Variants in GSE1 observed in about 807,000 individuals in gnomAD.
The protein encoded by GSE1 is genetic suppressor element 1.
GSE1 carries 32 observed loss-of-function variants against 112.6 expected under a neutral mutation model. That is an observed-to-expected ratio of 0.28 (90% confidence interval 0.21 to 0.38). The LOEUF is 0.38. Among genes scored for constraint, GSE1 ranks in the 10% least tolerant of loss-of-function variants. The pLI is 1.00. For synonymous variants in GSE1, 1,115 were observed against 735.6 expected, an observed-to-expected ratio of 1.52 and a Z score of -8.35; for missense variants, 2,348 against 1,699.2, an observed-to-expected ratio of 1.38 and a Z score of -6.71.
rs2051776196 is a variant in GSE1, at chr16:85,654,852, A to C, written c.658A>C (p.Arg220=). 1.2e-6 allele frequency: 2 copies of C among 1,611,540 alleles called. No homozygotes were observed. Among genetic ancestry groups the C allele is most frequent in the African/African-American group, 1.3e-5 (1 of 74,694 alleles). ...PPSTVTEDYL[R]SFRPYHTTDD... The stretch of plus-strand genomic sequence containing the variant: ...CAGTACCGTGACCGAGGACTACCTG[A>C]GAAGCTTCCGGCCCTACCACACCAC... Residue 220 remains arginine, a synonymous_variant, in exon 5 of 16, where the codon AGA becomes CGA. Coordinates refer to ENST00000253458, the MANE Select transcript of GSE1 (RefSeq NM_014615.5).
chr16:85,551,595 C>G (rs936695675), upstream of GSE1, among the ~76,000 whole-genome samples: 5 of 152,214 alleles, frequency 3.3e-5, no homozygotes, highest in African/African-American at 1.2e-4. Context: ...CTTTCTGTTT[C>G]TCAGCTGTTT....
chr16:85,294,217 T>C (rs941708695), intron 1 of GSE1, among the ~76,000 whole-genome samples: 9 of 152,138 alleles, frequency 5.9e-5, no homozygotes, highest in African/African-American at 2.2e-4. Flanking sequence ...AGCCCACTCT[T>C]GAAAACCTGA....
At chr16:85,286,141 T>C (rs569987267) in intron 1 of GSE1, among the ~76,000 whole-genome samples, 3 of 152,108 alleles carry the variant, frequency 2.0e-5, no homozygotes, top group Non-Finnish European at 4.4e-5. Flanking sequence ...AGCCAGGAGG[T>C]CAGCAGACTG....
At position 85,224,086 on chromosome 16, in the gene GSE1, A is replaced by C. The variant is rs985686352; in HGVS notation, c.2283+52279A>C. On this transcript the variant is annotated intron_variant, in intron 1 of 2. Coordinates refer to the GSE1 transcript ENST00000637419. ...GGCAGAGACACTTCCTCCCTTGGCG[A>C]TTCTGGGGGCACGTGGCGCATCTCA... is the stretch of plus-strand genomic sequence containing the variant. 2.0e-5 allele frequency among the ~76,000 whole-genome samples: 3 copies of C among 151,828 alleles called. No individual in the cohort carries two copies. In the East Asian group the frequency reaches 5.8e-4, roughly 29 times the overall value.
chr16:85,457,572 G>A (rs1007309506), intron 2 of GSE1, among the ~76,000 whole-genome samples: 1 of 152,240 alleles, frequency 6.6e-6, no homozygotes, highest in East Asian at 1.9e-4. Flanking sequence ...CAGAGAGCAG[G>A]GCAAGGGCTG....
intron 1 of GSE1, among the ~76,000 whole-genome samples, chr16:85,331,581 G>GTGTATATATGTGTACATGTGTATATA: frequency 8.8e-6 from 1 of 114,048 alleles, no homozygotes; most frequent in Admixed American, 8.6e-5. Flanking sequence ...ATGTGTACAT[G>GTGTATATATGTGTACATGTGTATATA]TGTATATATG....
At chr16:85,459,685 T>G (rs190129452) in intron 2 of GSE1, among the ~76,000 whole-genome samples, 3 of 152,354 alleles carry the variant, frequency 2.0e-5, no homozygotes, top group Admixed American at 2.0e-4. Flanking sequence ...ACGGAGTCAC[T>G]GAACCCAGTC....
chr16:85,556,761 C>G (rs1354101488), intron 1 of GSE1, among the ~76,000 whole-genome samples: 7 of 145,780 alleles, frequency 4.8e-5, no homozygotes, highest in Non-Finnish European at 9.3e-5. Context: ...CCCCCCCCCC[C>G]CCAGTCCTGG....
chr16:85,304,650 G>A (rs2045625065), intron 1 of GSE1, among the ~76,000 whole-genome samples: 1 of 149,894 alleles, frequency 6.7e-6, no homozygotes, highest in African/African-American at 2.4e-5. Context: ...CAAACCTGGT[G>A]TCAGCTGAGA....
At chr16:85,403,978 C>T (rs1281621365) in intron 2 of GSE1, among the ~76,000 whole-genome samples, 2 of 151,580 alleles carry the variant, frequency 1.3e-5, no homozygotes, top group Admixed American at 1.3e-4. Flanking sequence ...TCACTGCAGC[C>T]TTCAGGGCAG....
chr16:85,518,915 C>T (rs535305197), intron 2 of GSE1, among the ~76,000 whole-genome samples: 22 of 152,304 alleles, frequency 1.4e-4, no homozygotes, highest in African/African-American at 1.9e-4. Flanking sequence ...TTTTGTCCTC[C>T]GCTGGCTCGT....
At chr16:85,478,897 T>C (rs1261741101) in intron 2 of GSE1, among the ~76,000 whole-genome samples, 4 of 83,268 alleles carry the variant, frequency 4.8e-5, no homozygotes, top group African/African-American at 2.4e-4. Context: ...CTTTCTTTCT[T>C]TCTTTCTTTC....
chr16:85,299,576 G>A (rs1248903385), intron 1 of GSE1, among the ~76,000 whole-genome samples: 1 of 152,204 alleles, frequency 6.6e-6, no homozygotes, highest in Non-Finnish European at 1.5e-5. Flanking sequence ...TCACACCTGA[G>A]CCCTCTGCCT....
chr16:85,328,785 G>C (rs1425825303), intron 1 of GSE1, among the ~76,000 whole-genome samples: 1 of 151,738 alleles, frequency 6.6e-6, no homozygotes, highest in Non-Finnish European at 1.5e-5. Flanking sequence ...ACAAGGCCTT[G>C]CGGCTGGGCG....
intron 1 of GSE1, among the ~76,000 whole-genome samples, chr16:85,308,384 T>G (rs1452485888): frequency 2.0e-5 from 3 of 152,172 alleles, no homozygotes; most frequent in African/African-American, 7.2e-5. Flanking sequence ...AGGCTCTGGA[T>G]CAAAACAGAG....
At chr16:85,551,989 G>A (rs1317605122), upstream of GSE1, among the ~76,000 whole-genome samples, 2 of 151,976 alleles carry the variant, frequency 1.3e-5, no homozygotes, top group African/African-American at 4.8e-5. Flanking sequence ...AGCTCTCCAA[G>A]CCCCTGCTTC....
At chr16:85,250,717 T>C (rs1038887514) in intron 1 of GSE1, among the ~76,000 whole-genome samples, 2 of 152,200 alleles carry the variant, frequency 1.3e-5, no homozygotes, top group Non-Finnish European at 2.9e-5. Context: ...GTGTAGAGTT[T>C]AGTGGTTTTG....
chr16:85,625,505 C>T (rs2049010660), intron 1 of GSE1, among the ~76,000 whole-genome samples: 1 of 152,182 alleles, frequency 6.6e-6, no homozygotes, highest in African/African-American at 2.4e-5. Flanking sequence ...TGACCTGGCC[C>T]CCCAGGTGAC....
chr16:85,530,730 A>T (rs750642818), intron 2 of GSE1, among the ~76,000 whole-genome samples: 2 of 152,238 alleles, frequency 1.3e-5, no homozygotes, highest in Non-Finnish European at 2.9e-5. Context: ...AGTTCCCATT[A>T]ATGGATGGAA....
Sources: gnomAD v4.1 joint callset for allele counts (sites outside exome capture counted in the v4.1 genomes callset) on GRCh38, gnomAD v4.1.1 for gene constraint, MANE v1.5 for transcripts, NCBI Gene and HGNC (gene_info 2026-07-23, HGNC 2026-07-21) for gene names.